Variants in KIF6 observed in about 807,000 individuals in gnomAD.
The protein encoded by KIF6 is kinesin family member 6.
A neutral mutation model predicts 112.7 loss-of-function variants in KIF6; 106 were observed. That is an observed-to-expected ratio of 0.94 (90% confidence interval 0.80 to 1.11). The LOEUF is 1.11. KIF6 is among the 50% of genes least tolerant of loss of function. The pLI, the probability that KIF6 is intolerant of heterozygous loss-of-function variation, is 0.00. For synonymous variants in KIF6, 339 were observed against 339.9 expected, an observed-to-expected ratio of 1.00 and a Z score of 0.03; for missense variants, 929 against 964.0, an observed-to-expected ratio of 0.96 and a Z score of 0.48.
At chr6:39,407,672 A>G (rs1036167172) in intron 15 of KIF6, among the ~76,000 whole-genome samples, 1 of 152,082 alleles carries the variant, frequency 6.6e-6, no homozygotes, top group African/African-American at 2.4e-5. Context: ...TACGAAACAT[A>G]TATTTTCAGC....
intron 10 of KIF6, among the ~76,000 whole-genome samples, chr6:39,575,275 C>CTT (rs142101964): frequency 1.6e-4 from 23 of 143,572 alleles, no homozygotes; most frequent in South Asian, 2.2e-4. Flanking sequence ...TCTTATTTTT[C>CTT]TTTTTTTTTT....
intron 14 of KIF6, among the ~76,000 whole-genome samples, chr6:39,425,031 G>A (rs1770662204): frequency 6.6e-6 from 1 of 152,128 alleles, no homozygotes; most frequent in Non-Finnish European, 1.5e-5. Flanking sequence ...TCATGACTGG[G>A]GAAGCAGCTG....
chr6:39,615,941 A>G (rs1344110054), intron 5 of KIF6, among the ~76,000 whole-genome samples: 1 of 152,178 alleles, frequency 6.6e-6, no homozygotes, highest in Non-Finnish European at 1.5e-5. Context: ...ACTGGGGATT[A>G]TGGGTCTCCC....
intron 13 of KIF6, among the ~76,000 whole-genome samples, chr6:39,479,559 A>T (rs961176926): frequency 2.0e-5 from 3 of 152,088 alleles, no homozygotes; most frequent in Non-Finnish European, 4.4e-5. Context: ...CTTTTTGCTT[A>T]GTCTTGCTTT....
At chr6:39,384,630 C>T (rs1232568078) in intron 16 of KIF6, among the ~76,000 whole-genome samples, 1 of 152,166 alleles carries the variant, frequency 6.6e-6, no homozygotes, top group Non-Finnish European at 1.5e-5. Context: ...ATACAAATTA[C>T]CAAAGTCAAA....
At chr6:39,337,227 C>CTTTCTT (rs1562102938) in intron 22 of KIF6, among the ~76,000 whole-genome samples, 8 of 94,912 alleles carry the variant, frequency 8.4e-5, no homozygotes, top group African/African-American at 4.4e-4. Context: ...TTCTTTCTTT[C>CTTTCTT]TTTCTTTCTT....
At chr6:39,462,610 T>C (rs1260865830) in intron 13 of KIF6, among the ~76,000 whole-genome samples, 5 of 152,140 alleles carry the variant, frequency 3.3e-5, no homozygotes, top group Non-Finnish European at 2.9e-5. Context: ...TAGAGGTATT[T>C]ACTGAAGAAT....
At chr6:39,601,113 G>C (rs1470564730) in intron 6 of KIF6, among the ~76,000 whole-genome samples, 3 of 152,066 alleles carry the variant, frequency 2.0e-5, no homozygotes, top group Non-Finnish European at 4.4e-5. Context: ...GGAATGTCCA[G>C]CAGTTTGACT....
rs537907349 is a variant in KIF6, at chr6:39,337,014, CCCTCCCTT to C, written c.2429-474_2429-467del. ...TCTTTCCTTCCTTTCTTCCCTCCCT[CCCTCCCTT>C]CCTTCCTTTCTTTTCCTTCCTTCCT... On this transcript the variant is annotated intron_variant, in intron 22 of 22. Coordinates refer to ENST00000287152, the MANE Select transcript of KIF6 (RefSeq NM_145027.6). 3.4e-3 allele frequency among the ~76,000 whole-genome samples: 437 copies of C among 128,062 alleles called. 2 individuals carry two copies. The highest frequency in any genetic ancestry group is 0.017 in the Middle Eastern group (4 of 234). The allele number at this position is 128,062 out of a possible 152,430, so 84.0% of individuals were successfully genotyped here. A position where few individuals can be genotyped will look rare whatever the true frequency, so the allele number is the denominator to read the frequency against.
intron 13 of KIF6, among the ~76,000 whole-genome samples, chr6:39,515,397 C>T (rs1453923366): frequency 6.6e-6 from 1 of 152,148 alleles, no homozygotes; most frequent in Non-Finnish European, 1.5e-5. Context: ...TGAACTTGGC[C>T]CACTCTGTGC....
At chr6:39,568,004 G>A (rs1236057469) in intron 10 of KIF6, among the ~76,000 whole-genome samples, 1 of 152,208 alleles carries the variant, frequency 6.6e-6, no homozygotes, top group African/African-American at 2.4e-5. Flanking sequence ...AAAGAAGCCA[G>A]AGGGGGCCTG....
At chr6:39,483,177 C>T (rs9394598) in intron 13 of KIF6, among the ~76,000 whole-genome samples, 9,257 of 152,282 alleles carry the variant, frequency 0.061, 500 homozygotes, top group East Asian at 0.25. Flanking sequence ...TTCTCTCTTG[C>T]TCCCTGCTGA....
chr6:39,601,878 T>C lies in KIF6; in HGVS notation c.640-5618A>G, dbSNP rs1216629598. ...TGTATATTCTCATCCAAACAATGTGTAAGACATGAAGCAGTGGGGCAGACC... is the reference window on the plus strand; with the variant it reads ...TGTATATTCTCATCCAAACAATGTGCAAGACATGAAGCAGTGGGGCAGACC... On this transcript the variant is annotated intron_variant, in intron 6 of 22. Transcript: ENST00000287152. Among the ~76,000 whole-genome samples the C allele has an allele frequency of 2.0e-5, 3 of 152,148 alleles. No individual in the cohort carries two copies. In the East Asian group the frequency reaches 5.8e-4, roughly 29 times the overall value.
At chr6:39,665,499 T>C (rs532845769) in intron 3 of KIF6, among the ~76,000 whole-genome samples, 1 of 152,212 alleles carries the variant, frequency 6.6e-6, no homozygotes, top group Non-Finnish European at 1.5e-5. Flanking sequence ...ATGAAATACA[T>C]AGCATAATTA....
At chr6:39,566,995 T>C (rs1000719859) in intron 10 of KIF6, among the ~76,000 whole-genome samples, 1 of 152,248 alleles carries the variant, frequency 6.6e-6, no homozygotes, top group African/African-American at 2.4e-5. Flanking sequence ...GTAACAATTT[T>C]ATAGTTTTCT....
At chr6:39,454,312 AAGAG>A (rs1054666426) in intron 13 of KIF6, among the ~76,000 whole-genome samples, 14 of 152,106 alleles carry the variant, frequency 9.2e-5, no homozygotes, top group Non-Finnish European at 1.5e-4. Flanking sequence ...TGAGATGTGA[AAGAG>A]AGAGAGTAAT....
chr6:39,351,609 CCTCT>C (rs147195079), intron 19 of KIF6, among the ~76,000 whole-genome samples: 9 of 150,838 alleles, frequency 6.0e-5, no homozygotes, highest in African/African-American at 1.2e-4. Context: ...CACACCTGCC[CCTCT>C]CTCTCTCTCT....
rs148427720 is a variant in KIF6 at position 39,461,534 on chromosome 6, G to GA, written c.1646-30374dup. On this transcript the variant is annotated intron_variant, in intron 13 of 22. Transcript: ENST00000287152. Reference sequence around the variant, plus strand: ...TTACATTAAAAATGTAAGAAAAGGTGAAATTAATTTTAATATGTTTTATTA... The same window carrying GA: ...TTACATTAAAAATGTAAGAAAAGGTGAAAATTAATTTTAATATGTTTTATTA... Among the ~76,000 whole-genome samples, 54 of 152,018 alleles carry GA rather than the reference G, an allele frequency of 3.6e-4. No individual in the cohort carries two copies. In the East Asian group the frequency reaches 0.01, roughly 29 times the overall value.
intron 13 of KIF6, among the ~76,000 whole-genome samples, chr6:39,509,635 T>C (rs986082128): frequency 1.3e-5 from 2 of 152,100 alleles, no homozygotes; most frequent in African/African-American, 2.4e-5. Flanking sequence ...ATATCAGTGA[T>C]TGAAGATCAA....
Sources: allele counts gnomAD v4.1 joint callset (sites outside exome capture counted in the v4.1 genomes callset), GRCh38; gene constraint gnomAD v4.1.1; transcripts MANE v1.5; gene names NCBI Gene and HGNC (gene_info 2026-07-23, HGNC 2026-07-21).